GRM8: variants seen among roughly 807,000 people sequenced by gnomAD.
GRM8 encodes the protein metabotropic glutamate receptor 8.
Under a neutral mutation model 87.2 loss-of-function variants are expected in GRM8, and 47 were observed. That is an observed-to-expected ratio of 0.54 (90% CI 0.43 to 0.69). The LOEUF (loss-of-function observed/expected upper bound fraction) is 0.69. Ranked by LOEUF, GRM8 falls within the 30% of genes least tolerant of loss-of-function variation. The probability of loss-of-function intolerance (pLI) is 0.00; values close to 1 mark genes in which losing one functional copy is unlikely to be tolerated. For missense variants in GRM8, 1,019 were observed against 1,139.2 expected, an observed-to-expected ratio of 0.89 and a Z score of 1.52; for synonymous variants, 396 against 404.5, an observed-to-expected ratio of 0.98 and a Z score of 0.25.
At chr7:127,234,426 T>C (rs1414059265) in intron 2 of GRM8, among the ~76,000 whole-genome samples, 1 of 152,094 alleles carries the variant, frequency 6.6e-6, no homozygotes, top group Non-Finnish European at 1.5e-5. Flanking sequence ...TGAACACAAT[T>C]AAAAATAAAT....
intron 3 of GRM8, among the ~76,000 whole-genome samples, chr7:127,088,243 G>T (rs1238408980): frequency 6.6e-6 from 1 of 152,124 alleles, no homozygotes; most frequent in Non-Finnish European, 1.5e-5. Flanking sequence ...TGGTGGTGGT[G>T]GTGGTGAGTG....
At chr7:126,759,918 C>T (rs903516740) in intron 7 of GRM8, among the ~76,000 whole-genome samples, 12 of 152,050 alleles carry the variant, frequency 7.9e-5, no homozygotes, top group South Asian at 2.1e-4. Context: ...GGTTTTGTTG[C>T]TTGGCCACTA....
At chr7:126,836,595 C>T (rs1216914779) in intron 6 of GRM8, among the ~76,000 whole-genome samples, 1 of 152,276 alleles carries the variant, frequency 6.6e-6, no homozygotes, top group East Asian at 1.9e-4. Flanking sequence ...TTATCTAGCA[C>T]TCTCTGGCTC....
intron 3 of GRM8, among the ~76,000 whole-genome samples, chr7:126,944,140 G>A (rs759686619): frequency 1.3e-5 from 2 of 152,114 alleles, no homozygotes; most frequent in Non-Finnish European, 2.9e-5. Context: ...GAGAGCTCCT[G>A]GCAACCTGAG....
intron 2 of GRM8, among the ~76,000 whole-genome samples, chr7:127,189,506 T>C (rs1025518436): frequency 1.3e-5 from 2 of 152,242 alleles, no homozygotes; most frequent in Non-Finnish European, 2.9e-5. Context: ...TTTACCTAAA[T>C]TGTTTCTTAA....
chr7:127,041,193 C>T (rs1818396499), intron 3 of GRM8, among the ~76,000 whole-genome samples: 1 of 152,138 alleles, frequency 6.6e-6, no homozygotes, highest in African/African-American at 2.4e-5. Context: ...AAGGGCCAGT[C>T]CCAAAAGCAG....
chr7:126,996,136 G>T (rs1420009793), intron 3 of GRM8, among the ~76,000 whole-genome samples: 4 of 151,978 alleles, frequency 2.6e-5, no homozygotes, highest in Admixed American at 2.6e-4. Flanking sequence ...GAGAAATAAA[G>T]ACTTTCCTAG....
intron 9 of GRM8, among the ~76,000 whole-genome samples, chr7:126,521,501 A>G (rs1412890781): frequency 6.6e-6 from 1 of 152,132 alleles, no homozygotes; most frequent in Non-Finnish European, 1.5e-5. Flanking sequence ...GATTCAAAAC[A>G]CTGCCAAAAT....
At chr7:126,961,930 C>T (rs1233432908) in intron 3 of GRM8, among the ~76,000 whole-genome samples, 1 of 152,114 alleles carries the variant, frequency 6.6e-6, no homozygotes, top group African/African-American at 2.4e-5. Context: ...AGACTTGATC[C>T]CTCCAATGGC....
intron 8 of GRM8, among the ~76,000 whole-genome samples, chr7:126,576,266 G>A (rs1400062681): frequency 3.9e-5 from 6 of 152,196 alleles, no homozygotes; most frequent in East Asian, 3.9e-4. Context: ...CCAACTTTTT[G>A]TATTGTTCTG....
intron 3 of GRM8, among the ~76,000 whole-genome samples, chr7:127,103,989 A>T (rs11563357): frequency 0.15 from 22,591 of 152,108 alleles, 1,906 homozygotes; most frequent in Middle Eastern, 0.2. Context: ...TGATTTTTTT[A>T]AAATGAAAAA....
At chr7:126,457,943 A>T (rs970951512) in intron 9 of GRM8, among the ~76,000 whole-genome samples, 1 of 151,182 alleles carries the variant, frequency 6.6e-6, no homozygotes, top group Non-Finnish European at 1.5e-5. Context: ...ATAATTTGGT[A>T]ATTATTCCTA....
intron 3 of GRM8, among the ~76,000 whole-genome samples, chr7:127,002,311 C>T (rs1041550221): frequency 6.6e-6 from 1 of 151,550 alleles, no homozygotes; most frequent in East Asian, 1.9e-4. Flanking sequence ...CTAAGCTTAC[C>T]CACAAGTAAG....
chr7:127,043,635 G>C (rs977386444), intron 3 of GRM8, among the ~76,000 whole-genome samples: 2 of 151,996 alleles, frequency 1.3e-5, no homozygotes, highest in African/African-American at 4.8e-5. Flanking sequence ...GAGCGGGGAG[G>C]GATAGCATTA....
chr7:126,749,172 A>G (rs1275302719), intron 7 of GRM8, among the ~76,000 whole-genome samples: 9 of 151,950 alleles, frequency 5.9e-5, no homozygotes. Context: ...CAGCTACTCC[A>G]GAGGCTGAGG....
intron 6 of GRM8, among the ~76,000 whole-genome samples, chr7:126,842,707 T>C (rs907208107): frequency 2.0e-5 from 3 of 152,152 alleles, no homozygotes; most frequent in South Asian, 2.1e-4. Flanking sequence ...AAAGACTCCA[T>C]TGGTCATTGC....
At chr7:126,465,406 A>G (rs1722556266) in intron 9 of GRM8, 1 of 151,478 alleles carries the variant, frequency 6.6e-6, no homozygotes, top group Non-Finnish European at 1.5e-5. Context: ...GATTGCATTA[A>G]TGTATAGCTC....
intron 7 of GRM8, among the ~76,000 whole-genome samples, chr7:126,683,898 G>A (rs1226066513): frequency 6.6e-6 from 1 of 152,112 alleles, no homozygotes; most frequent in Non-Finnish European, 1.5e-5. Flanking sequence ...TCCCTTTTGT[G>A]TGAGATAGCA....
chr7:127,209,133 C>G lies in GRM8; in HGVS notation c.510+33562G>C, dbSNP rs546215173. Among the ~76,000 whole-genome samples the G allele has an allele frequency of 3.9e-5, 6 of 152,292 alleles. No homozygotes were observed. In the South Asian group the frequency reaches 1.2e-3, roughly 32 times the overall value. On this transcript the variant is annotated intron_variant, in intron 2 of 10. Transcript: ENST00000339582. ...GTTTAAATATAGTTCAGGTTTCTCCCTTCTCTCTACCTCAACAAGATTTAG... is the reference window on the plus strand; with the variant it reads ...GTTTAAATATAGTTCAGGTTTCTCCGTTCTCTCTACCTCAACAAGATTTAG...
Sources: gnomAD v4.1 joint callset for allele counts (sites outside exome capture counted in the v4.1 genomes callset) on GRCh38, gnomAD v4.1.1 for gene constraint, MANE v1.5 for transcripts, NCBI Gene and HGNC (gene_info 2026-07-23, HGNC 2026-07-21) for gene names.